DLGAP2: variants seen among roughly 807,000 people sequenced by gnomAD.
DLGAP2 encodes DLG associated protein 2, also known as disks large-associated protein 2.
Under a neutral mutation model 100.3 loss-of-function variants are expected in DLGAP2, and 26 were observed. That is an observed-to-expected ratio of 0.26 (90% CI 0.19 to 0.36). DLGAP2 has a LOEUF of 0.36. Among genes scored for constraint, DLGAP2 ranks in the 10% least tolerant of loss-of-function variants. The probability of loss-of-function intolerance (pLI) is 1.00; values close to 1 mark genes in which losing one functional copy is unlikely to be tolerated. For synonymous variants in DLGAP2, 886 were observed against 630.1 expected (o/e 1.41, Z -6.08); for missense variants, 1,858 against 1,453.2 (o/e 1.28, Z -4.53).
At chr8:1,057,709 G>A (rs1421499115) in intron 2 of DLGAP2, among the ~76,000 whole-genome samples, 1 of 152,178 alleles carries the variant, frequency 6.6e-6, no homozygotes, top group Non-Finnish European at 1.5e-5. Context: ...ACAGCTTGTG[G>A]CCTTTCATCT....
intron 1 of DLGAP2, chr8:883,091 T>C (rs752995468): frequency 2.0e-5 from 3 of 152,454 alleles, no homozygotes; most frequent in Admixed American, 1.3e-4. Flanking sequence ...GAGCAGTGCG[T>C]ATGTCCTGTG....
intron 1 of DLGAP2, among the ~76,000 whole-genome samples, chr8:870,739 C>T (rs1258593937): frequency 1.3e-5 from 2 of 152,148 alleles, no homozygotes; most frequent in Non-Finnish European, 2.9e-5. Flanking sequence ...ATTCCCTGAG[C>T]CCCTGGAGTG....
chr8:1,227,343 T>A (rs528807242), intron 2 of DLGAP2, among the ~76,000 whole-genome samples: 240 of 151,402 alleles, frequency 1.6e-3, no homozygotes, highest in African/African-American at 5.6e-3. Flanking sequence ...TTTTTATTTT[T>A]TTTTTCTGAA....
chr8:1,598,820 T>C (rs1796537622), intron 6 of DLGAP2, among the ~76,000 whole-genome samples: 1 of 152,192 alleles, frequency 6.6e-6, no homozygotes, highest in Admixed American at 6.5e-5. Context: ...AACCAGCTTC[T>C]AGATTCATTG....
chr8:1,579,182 TG>T (rs926987378), intron 6 of DLGAP2, among the ~76,000 whole-genome samples: 2 of 152,230 alleles, frequency 1.3e-5, no homozygotes, highest in African/African-American at 4.8e-5. Context: ...TGAATGTCTC[TG>T]GGTCATTCTC....
chr8:1,367,955 C>T (rs1203722078), intron 3 of DLGAP2, among the ~76,000 whole-genome samples: 1 of 152,214 alleles, frequency 6.6e-6, no homozygotes, highest in African/African-American at 2.4e-5. Context: ...TGGCATGGAG[C>T]CAGCACAGGC....
At chr8:1,316,435 A>C (rs374120903) in intron 3 of DLGAP2, among the ~76,000 whole-genome samples, 1 of 123,388 alleles carries the variant, frequency 8.1e-6, no homozygotes, top group Non-Finnish European at 1.8e-5. Context: ...TCTCTCCAAC[A>C]GTGGTCTACA....
intron 3 of DLGAP2, among the ~76,000 whole-genome samples, chr8:1,329,515 G>A (rs926953621): frequency 1.3e-5 from 2 of 152,182 alleles, no homozygotes. Context: ...GAGAGTGTGT[G>A]CATGTGTGTG....
intron 1 of DLGAP2, among the ~76,000 whole-genome samples, chr8:829,416 A>C (rs1585908107): frequency 6.6e-6 from 1 of 152,320 alleles, no homozygotes; most frequent in African/African-American, 2.4e-5. Flanking sequence ...TCTTATTACC[A>C]GGCCTTCTGG....
chr8:744,924 AT>A (rs1820579432), intron 1 of DLGAP2, among the ~76,000 whole-genome samples: 2 of 152,122 alleles, frequency 1.3e-5, no homozygotes, highest in Non-Finnish European at 2.9e-5. Context: ...CGGCTTCCCC[AT>A]CCCCCAGTCT....
At chr8:1,210,991 G>A (rs1022088634) in intron 2 of DLGAP2, among the ~76,000 whole-genome samples, 5 of 152,188 alleles carry the variant, frequency 3.3e-5, no homozygotes, top group Non-Finnish European at 5.9e-5. Flanking sequence ...GCGAGGCTGC[G>A]GCTGTCTTTA....
chr8:1,377,953 C>CG (rs113078534), intron 3 of DLGAP2: 11,988 of 152,492 alleles, frequency 0.079, 732 homozygotes, highest in East Asian at 0.24. Flanking sequence ...CACCCCTGTG[C>CG]AGACGCAGCC....
intron 2 of DLGAP2, among the ~76,000 whole-genome samples, chr8:1,204,720 T>C (rs1395035973): frequency 6.6e-6 from 1 of 151,734 alleles, no homozygotes; most frequent in Non-Finnish European, 1.5e-5. Context: ...GAGGGAGGGA[T>C]GGAGATGGAT....
At chr8:1,493,843 G>A (rs536573470) in intron 3 of DLGAP2, among the ~76,000 whole-genome samples, 2 of 152,222 alleles carry the variant, frequency 1.3e-5, no homozygotes, top group Non-Finnish European at 2.9e-5. Flanking sequence ...TTCTTACCCT[G>A]ATTCTTCCTA....
intron 3 of DLGAP2, among the ~76,000 whole-genome samples, chr8:1,285,768 A>C (rs1799909093): frequency 1.3e-5 from 2 of 152,198 alleles, no homozygotes; most frequent in South Asian, 4.1e-4. Flanking sequence ...CAGGAGTTCA[A>C]GACCAGGCTG....
intron 6 of DLGAP2, among the ~76,000 whole-genome samples, chr8:1,619,144 AAAC>A (rs1797249682): frequency 6.6e-6 from 1 of 152,244 alleles, no homozygotes; most frequent in Non-Finnish European, 1.5e-5. Flanking sequence ...AACTCCTACA[AAAC>A]AAGAACGTAA....
chr8:787,736 G>C (rs905126235), intron 1 of DLGAP2, among the ~76,000 whole-genome samples: 1 of 152,108 alleles, frequency 6.6e-6, no homozygotes, highest in East Asian at 1.9e-4. Flanking sequence ...AGCCTACATC[G>C]GAATGGTCAC....
At chr8:1,477,312 G>C (rs1798962986) in intron 3 of DLGAP2, among the ~76,000 whole-genome samples, 1 of 152,162 alleles carries the variant, frequency 6.6e-6, no homozygotes, top group Non-Finnish European at 1.5e-5. Flanking sequence ...GAGTGTCCCA[G>C]GCCATGTTGG....
At chr8:878,220 A>C (rs962897875) in intron 1 of DLGAP2, among the ~76,000 whole-genome samples, 3 of 152,162 alleles carry the variant, frequency 2.0e-5, no homozygotes, top group Non-Finnish European at 4.4e-5. Flanking sequence ...AGTTGAATTT[A>C]TAGACAGAGA....
Sources: gnomAD v4.1 joint callset for allele counts (sites outside exome capture counted in the v4.1 genomes callset) on GRCh38, gnomAD v4.1.1 for gene constraint, MANE v1.5 for transcripts, NCBI Gene and HGNC (gene_info 2026-07-23, HGNC 2026-07-21) for gene names.